The following SPTB variants were observed in gnomAD, a reference collection of about 807,000 sequenced individuals.
The protein encoded by SPTB is spectrin beta chain, erythrocytic.
A neutral mutation model predicts 256.2 loss-of-function variants in SPTB; 45 were observed. The ratio of observed to expected loss-of-function variants is 0.18; its 90% CI spans 0.14 to 0.23. SPTB has a LOEUF of 0.23. Among genes scored for constraint, SPTB ranks in the 10% least tolerant of loss-of-function variants. The pLI, the probability that SPTB is intolerant of heterozygous loss-of-function variation, is 1.00. For synonymous variants in SPTB, 1,231 were observed against 1,243.1 expected (o/e 0.99, Z 0.21); for missense variants, 2,715 against 3,040.4 (o/e 0.89, Z 2.52).
chr14:64,769,321 G>T (rs1314398123), intron 28 of SPTB, among the ~76,000 whole-genome samples: 1 of 152,182 alleles, frequency 6.6e-6, no homozygotes. Flanking sequence ...ATTAAAGGAG[G>T]TCACCAGCTC....
chr14:64,765,859 A>ATGTG lies in SPTB; in HGVS notation c.6345+863_6345+866dup, dbSNP rs72331445. Reference sequence around the variant, plus strand: ...GTGGGGGTGTGGTGTGTGCACATGTATGTGTGTGTGTGTGTGGAGGTTGCG... The same window carrying ATGTG: ...GTGGGGGTGTGGTGTGTGCACATGTATGTGTGTGTGTGTGTGTGTGGAGGTTGCG... On this transcript the variant is annotated intron_variant, in intron 32 of 35. Coordinates refer to ENST00000644917, the MANE Select transcript of SPTB (RefSeq NM_001355436.2). 9.4e-4 allele frequency among the ~76,000 whole-genome samples: 112 copies of ATGTG among 119,560 alleles called. 1 individual carries two copies. The highest frequency in any genetic ancestry group is 3.7e-3 in the East Asian group (14 of 3,762). The allele number at this position is 119,560 out of a possible 152,430, so 78.4% of individuals were successfully genotyped here.
rs1315534372 is a variant in SPTB, at chr14:64,825,582, G to A, written c.-51-2437C>T. Among the ~76,000 whole-genome samples, 1 of 152,196 alleles carries A rather than the reference G, an allele frequency of 6.6e-6. No individual in the cohort carries two copies. Among genetic ancestry groups the A allele is most frequent in the African/African-American group, 2.4e-5 (1 of 41,454 alleles). ...AAGCCTGTCCAGCAGCCCCTGAGAA[G>A]GGCTGAGCTGCCAGACGCAGGAGGT... On this transcript the variant is annotated intron_variant, in intron 1 of 35. Transcript: ENST00000644917. The surrounding 1 kb of genome is among the most constrained non-coding windows in gnomAD (Gnocchi z 4.8).
intron 1 of SPTB, among the ~76,000 whole-genome samples, chr14:64,869,795 TTTTC>T (rs1882424499): frequency 6.8e-6 from 1 of 148,098 alleles, no homozygotes; most frequent in Non-Finnish European, 1.5e-5. Context: ...GCTTTTTTTT[TTTTC>T]TTTTTAATTT....
In SPTB at chr14:64,793,927, T is replaced by C; in HGVS notation, c.1796-60A>G. Reference sequence around the variant, plus strand: ...GGATGGGCTTCATTTATGGGCACGCTTCAGATAAGCTGCTAGGTTGGAACT... The same window carrying C: ...GGATGGGCTTCATTTATGGGCACGCCTCAGATAAGCTGCTAGGTTGGAACT... On this transcript the variant is annotated intron_variant, in intron 13 of 35. Transcript: ENST00000644917. This position sits in a 1 kb window ranked among gnomAD's most constrained non-coding sequence, Gnocchi z 7.0. 6.5e-7 allele frequency: 1 copy of C among 1,539,858 alleles called. No individual in the cohort carries two copies. The highest frequency in any genetic ancestry group is 2.3e-5 in the East Asian group (1 of 44,380).
intron 2 of SPTB, among the ~76,000 whole-genome samples, chr14:64,815,490 G>A (rs1017016193): frequency 2.0e-5 from 3 of 152,232 alleles, no homozygotes; most frequent in African/African-American, 7.2e-5. Context: ...CAGAGTGGGT[G>A]AAGGGTCATG....
In SPTB at chr14:64,792,939, G is replaced by C; in HGVS notation, c.2666+58C>G. 6.2e-7 allele frequency: 1 copy of C among 1,611,744 alleles called. No homozygotes were observed. The highest frequency in any genetic ancestry group is 8.5e-7 in the Non-Finnish European group (1 of 1,178,916). ...CCAGAGACTATTACCAAACTAGGTGGGAGATGGTGCCCAGGCCTGGGTACA... is the reference window on the plus strand; with the variant it reads ...CCAGAGACTATTACCAAACTAGGTGCGAGATGGTGCCCAGGCCTGGGTACA... On this transcript the variant is annotated intron_variant, in intron 14 of 35. Transcript: ENST00000644917. This position sits in a 1 kb window ranked among gnomAD's most constrained non-coding sequence, Gnocchi z 4.2.
chr14:64,767,714 C>A lies in SPTB; in HGVS notation c.6168G>T (p.Lys2056Asn). ...KLIKRHEAFE[K>N]STASWAERFA... is the part of the protein sequence containing the mutation. ...AGCGCTCTGCCCAGCTGGCCGTGGA[C>A]TTCTCAAAAGCCTCATGCCTCTTGA... The change falls in exon 30 of 36, where the codon AAG becomes AAT. Residue 2056 changes from lysine (K) to asparagine (N), a missense_variant. Transcript: ENST00000644917. 6.2e-7 allele frequency: 1 copy of A among 1,614,236 alleles called. No homozygotes were observed. The highest frequency in any genetic ancestry group is 8.5e-7 in the Non-Finnish European group (1 of 1,180,042).
chr14:64,874,281 C>A (rs573996918), intron 1 of SPTB, among the ~76,000 whole-genome samples: 26 of 152,226 alleles, frequency 1.7e-4, no homozygotes, highest in Non-Finnish European at 3.5e-4. Flanking sequence ...ATTCCCCAAC[C>A]TGAATGAGAT....
chr14:64,849,935 G>A (rs1018807367), intron 1 of SPTB, among the ~76,000 whole-genome samples: 14 of 152,132 alleles, frequency 9.2e-5, no homozygotes, highest in African/African-American at 3.4e-4. Flanking sequence ...GGGGCCTTTG[G>A]AGCACTCATT....
At chr14:64,832,596 G>A (rs559925623) in intron 1 of SPTB, among the ~76,000 whole-genome samples, 2 of 152,234 alleles carry the variant, frequency 1.3e-5, no homozygotes, top group African/African-American at 2.4e-5. Context: ...GTGTCCAACT[G>A]CCTTCAGAAC....
chr14:64,861,156 G>C (rs1465478923), intron 1 of SPTB, among the ~76,000 whole-genome samples: 1 of 152,154 alleles, frequency 6.6e-6, no homozygotes, highest in African/African-American at 2.4e-5. Context: ...CATTGAGAAC[G>C]CATGGACACA....
rs1327612860 is a variant in SPTB, at chr14:64,792,981, A to T, written c.2666+16T>A. On this transcript the variant is annotated intron_variant, in intron 14 of 35. Coordinates refer to ENST00000644917, the MANE Select transcript of SPTB (RefSeq NM_001355436.2). This position sits in a 1 kb window ranked among gnomAD's most constrained non-coding sequence, Gnocchi z 4.2. ...CTGGGTACAGGGACGTGAGGAAAAG[A>T]TGAGTTAACTCTGACCTGTGCTGCA... 1.2e-6 allele frequency: 2 copies of T among 1,613,820 alleles called. No individual in the cohort carries two copies. Among genetic ancestry groups the T allele is most frequent in the South Asian group, 2.2e-5 (2 of 91,078 alleles).
chr14:64,797,889 A>G (rs773641364), intron 9 of SPTB, 43 bp from the exon 10 acceptor site: 1 of 1,511,890 alleles, frequency 6.6e-7, no homozygotes, highest in East Asian at 2.3e-5. Flanking sequence ...TTAAGATCTC[A>G]TGGCCAAATT....
chr14:64,866,323 C>T lies in SPTB; in HGVS notation c.-52+13469G>A, dbSNP rs769347692. On this transcript the variant is annotated intron_variant, in intron 1 of 35. Coordinates refer to ENST00000644917, the MANE Select transcript of SPTB (RefSeq NM_001355436.2). This position sits in a 1 kb window ranked among gnomAD's most constrained non-coding sequence, Gnocchi z 4.6. ...TGCTTATCGCTGGCCTCAGGACACCCGTAAGAGCTCAATGGGGTCTTCAGT... is the reference window on the plus strand; with the variant it reads ...TGCTTATCGCTGGCCTCAGGACACCTGTAAGAGCTCAATGGGGTCTTCAGT... Among the ~76,000 whole-genome samples, 1 of 152,176 alleles carries T rather than the reference C, an allele frequency of 6.6e-6. No homozygotes were observed. Among genetic ancestry groups the T allele is most frequent in the Non-Finnish European group, 1.5e-5 (1 of 68,024 alleles).
intron 32 of SPTB, chr14:64,754,529 G>T (rs543459421): frequency 1.2e-3 from 189 of 155,796 alleles, no homozygotes; most frequent in Non-Finnish European, 9.7e-4. Flanking sequence ...TGGCCCCGGG[G>T]GTCGGCACAT....
In SPTB at chr14:64,852,871, G is replaced by A. The variant is rs2083809303; in HGVS notation, c.-52+26921C>T. On this transcript the variant is annotated intron_variant, in intron 1 of 35. Transcript: ENST00000644917. This position sits in a 1 kb window ranked among gnomAD's most constrained non-coding sequence, Gnocchi z 4.2. ...AATAGACAGGCTTTCTGCTCTCGTG[G>A]TACTTTCAGTCCAGCAAGGAAGACA... 6.6e-6 allele frequency among the ~76,000 whole-genome samples: 1 copy of A among 152,108 alleles called. No individual in the cohort carries two copies. The highest frequency in any genetic ancestry group is 1.5e-5 in the Non-Finnish European group (1 of 68,018).
At chr14:64,763,233 G>A (rs753829818) in intron 32 of SPTB, among the ~76,000 whole-genome samples, 2 of 152,234 alleles carry the variant, frequency 1.3e-5, no homozygotes, top group Non-Finnish European at 2.9e-5. Flanking sequence ...TGCTTCCCAG[G>A]GCCACAGCCC....
At chr14:64,837,761 C>T (rs1165313798) in intron 1 of SPTB, among the ~76,000 whole-genome samples, 4 of 152,088 alleles carry the variant, frequency 2.6e-5, no homozygotes, top group South Asian at 4.2e-4. Context: ...TCACCACGCC[C>T]GGCTAATTTT....
chr14:64,793,173 G>A lies in SPTB; in HGVS notation c.2490C>T (p.Tyr830=). Residue 830 remains tyrosine (Y), a synonymous_variant, in exon 14 of 36, where the codon TAC becomes TAT. Transcript: ENST00000644917. The surrounding 1 kb of genome is among the most constrained non-coding windows in gnomAD (Gnocchi z 7.0). ...THRLQALREL[Y]QQVVAQADLR... is the part of the protein sequence containing the mutation. Reference sequence around the variant, plus strand: ...GGTCCGCCTGGGCCACCACCTGTTGGTAGAGCTCCCGCAGGGCCTGCAGCC... The same window carrying A: ...GGTCCGCCTGGGCCACCACCTGTTGATAGAGCTCCCGCAGGGCCTGCAGCC... 2 of 1,613,830 alleles carry A rather than the reference G, an allele frequency of 1.2e-6. No homozygotes were observed. The highest frequency in any genetic ancestry group is 1.7e-6 in the Non-Finnish European group (2 of 1,180,044).
Sources: gnomAD v4.1 joint callset for allele counts (sites outside exome capture counted in the v4.1 genomes callset) on GRCh38, gnomAD v4.1.1 for gene constraint, Gnocchi (gnomAD v3.1) non-coding constraint, MANE v1.5 for transcripts, NCBI Gene and HGNC (gene_info 2026-07-23, HGNC 2026-07-21) for gene names.